FTO: variants seen among roughly 807,000 people sequenced by gnomAD.
FTO encodes FTO alpha-ketoglutarate dependent dioxygenase.
A neutral mutation model predicts 63.9 loss-of-function variants in FTO; 47 were observed. The ratio of observed to expected loss-of-function variants is 0.74; its 90% confidence interval spans 0.58 to 0.94. FTO has a LOEUF of 0.94. FTO is among the 40% of genes least tolerant of loss of function. The pLI is 0.00. For missense variants in FTO, 562 were observed against 618.1 expected, an observed-to-expected ratio of 0.91 and a Z score of 0.96; for synonymous variants, 207 against 224.4, an observed-to-expected ratio of 0.92 and a Z score of 0.69.
chr16:53,715,817 A>G (rs1490827528), intron 1 of FTO, among the ~76,000 whole-genome samples: 3 of 152,164 alleles, frequency 2.0e-5, no homozygotes, highest in Non-Finnish European at 4.4e-5. Context: ...TTGGCAGTAT[A>G]TTTATTCTAA....
intron 1 of FTO, among the ~76,000 whole-genome samples, chr16:53,755,240 C>T (rs1379248780): frequency 6.6e-6 from 1 of 152,164 alleles, no homozygotes; most frequent in Non-Finnish European, 1.5e-5. Context: ...GTGAGATTTG[C>T]CCCTTGGATG....
intron 4 of FTO, 79 bp from the exon 5 acceptor site, chr16:53,873,707 T>C: frequency 1.9e-6 from 2 of 1,070,694 alleles, no homozygotes; most frequent in Admixed American, 1.7e-5. Flanking sequence ...ACTGTTTACT[T>C]TGTGTTTTAG....
intron 1 of FTO, among the ~76,000 whole-genome samples, chr16:53,722,010 G>C (rs1598489266): frequency 6.6e-6 from 1 of 152,278 alleles, no homozygotes; most frequent in East Asian, 1.9e-4. Flanking sequence ...TCTACAAAAA[G>C]AGTTTCATCT....
chr16:53,834,459 C>T (rs2079235037), intron 3 of FTO, among the ~76,000 whole-genome samples: 1 of 152,148 alleles, frequency 6.6e-6, no homozygotes, highest in South Asian at 2.1e-4. Flanking sequence ...TATTAATTAG[C>T]TATGGGACCT....
intron 1 of FTO, among the ~76,000 whole-genome samples, chr16:53,730,404 C>A (rs2076244948): frequency 6.6e-6 from 1 of 151,800 alleles, no homozygotes. Context: ...AAGTAAATTT[C>A]ATATTTTTTC....
Position 53,841,076 on chromosome 16 carries a change from G to GTC in FTO, c.752-3078_752-3077dup, listed in dbSNP as rs1219929137. 4.5e-5 allele frequency among the ~76,000 whole-genome samples: 3 copies of GTC among 66,362 alleles called. 1 individual carries two copies. The highest frequency in any genetic ancestry group is 9.4e-5 in the Non-Finnish European group (3 of 31,762). 43.5% of individuals were successfully genotyped at this position (66,362 alleles called of 152,430 possible). A position where few individuals can be genotyped will look rare whatever the true frequency, so the allele number is the denominator to read the frequency against. On this transcript the variant is annotated intron_variant, in intron 3 of 8. Coordinates refer to ENST00000471389, the MANE Select transcript of FTO (RefSeq NM_001080432.3). ...TATGAATAAGAAGTGCCTGTAGAAT[G>GTC]TCATCAGACATCGATAGCAACTATC...
At chr16:53,732,743 G>C (rs2076302941) in intron 1 of FTO, among the ~76,000 whole-genome samples, 2 of 152,280 alleles carry the variant, frequency 1.3e-5, no homozygotes, top group African/African-American at 4.8e-5. Flanking sequence ...AAAGGAGGGG[G>C]GTGGTGGAAA....
intron 8 of FTO, chr16:54,063,679 A>T (rs1342394095): frequency 1.3e-5 from 2 of 148,998 alleles, no homozygotes; most frequent in Non-Finnish European, 1.5e-5. Context: ...AGGCACAGCC[A>T]TTTAGAACTC....
chr16:53,895,574 T>C (rs1232951801), intron 7 of FTO, among the ~76,000 whole-genome samples: 1 of 152,232 alleles, frequency 6.6e-6, no homozygotes, highest in Non-Finnish European at 1.5e-5. Flanking sequence ...CCTACAGCTT[T>C]GTACTTAAAG....
intron 1 of FTO, among the ~76,000 whole-genome samples, chr16:53,767,041 A>G (rs1269738876): frequency 6.6e-6 from 1 of 152,140 alleles, no homozygotes; most frequent in Non-Finnish European, 1.5e-5. Context: ...CTAAGGCATG[A>G]TATTGATTAA....
chr16:53,761,580 A>G (rs1005092511), intron 1 of FTO, among the ~76,000 whole-genome samples: 1 of 152,250 alleles, frequency 6.6e-6, no homozygotes, highest in East Asian at 1.9e-4. Context: ...AAAATTTAAT[A>G]TGGAGAAAAT....
intron 1 of FTO, among the ~76,000 whole-genome samples, chr16:53,793,711 C>T (rs528882985): frequency 5.9e-5 from 9 of 151,940 alleles, no homozygotes; most frequent in Non-Finnish European, 8.8e-5. Flanking sequence ...TTCAGTGAGC[C>T]GAGAGCGAGA....
intron 1 of FTO, among the ~76,000 whole-genome samples, chr16:53,715,392 A>G (rs535828621): frequency 6.6e-6 from 1 of 152,310 alleles, no homozygotes; most frequent in South Asian, 2.1e-4. Flanking sequence ...TCTTGCACAT[A>G]TTAGAAATTT....
At chr16:53,742,035 C>G (rs2151542374) in intron 1 of FTO, among the ~76,000 whole-genome samples, 1 of 152,238 alleles carries the variant, frequency 6.6e-6, no homozygotes, top group Non-Finnish European at 1.5e-5. Context: ...CCCAGAGTAT[C>G]TGGGGAGAGT....
At chr16:54,104,637 G>T (rs1436185941) in intron 8 of FTO, among the ~76,000 whole-genome samples, 2 of 152,142 alleles carry the variant, frequency 1.3e-5, no homozygotes, top group South Asian at 4.1e-4. Flanking sequence ...CCTTGGTATT[G>T]GCTTATGCTA....
chr16:54,025,143 C>T (rs1286878803), intron 8 of FTO, among the ~76,000 whole-genome samples: 1 of 152,210 alleles, frequency 6.6e-6, no homozygotes, highest in East Asian at 1.9e-4. Context: ...ACCTGCTCCT[C>T]CATTAGGGGA....
intron 1 of FTO, among the ~76,000 whole-genome samples, chr16:53,792,479 T>A (rs2077951075): frequency 6.6e-6 from 1 of 152,210 alleles, no homozygotes; most frequent in African/African-American, 2.4e-5. Flanking sequence ...TCACTTATAG[T>A]GACTTTACTG....
intron 1 of FTO, among the ~76,000 whole-genome samples, chr16:53,769,487 A>G (rs894650660): frequency 6.6e-6 from 1 of 152,186 alleles, no homozygotes; most frequent in Admixed American, 6.5e-5. Flanking sequence ...AATTCATGTA[A>G]AATATTTAGA....
At chr16:53,894,186 A>G (rs1267699863) in intron 7 of FTO, among the ~76,000 whole-genome samples, 1 of 152,202 alleles carries the variant, frequency 6.6e-6, no homozygotes, top group African/African-American at 2.4e-5. Context: ...GTTAGTTATA[A>G]TAGTTTAATT....
Sources: allele counts gnomAD v4.1 joint callset (sites outside exome capture counted in the v4.1 genomes callset), GRCh38; gene constraint gnomAD v4.1.1; transcripts MANE v1.5; gene names NCBI Gene and HGNC (gene_info 2026-07-23, HGNC 2026-07-21).